Variants in GAS6 observed in about 807,000 individuals in gnomAD.
GAS6 encodes the protein growth arrest-specific protein 6.
In GAS6, 41 loss-of-function variants were observed where a neutral mutation model predicts 75.8. The observed-to-expected ratio is 0.54, with a 90% CI of 0.42 to 0.70. The LOEUF (loss-of-function observed/expected upper bound fraction) is 0.70, where lower values mean the gene tolerates loss of function less well. Among genes scored for constraint, GAS6 ranks in the 30% least tolerant of loss-of-function variants. The pLI is 0.00. For missense variants in GAS6, 854 were observed against 940.2 expected (o/e 0.91, Z 1.20); for synonymous variants, 432 against 412.6 (o/e 1.05, Z -0.57).
intron 8 of GAS6, chr13:113,833,555 T>C (rs1430215833): frequency 9.9e-7 from 1 of 1,010,376 alleles, no homozygotes; most frequent in Non-Finnish European, 1.2e-6. Context: ...CACATGTGGG[T>C]ACTGCATTCC....
At chr13:113,835,401 C>G in intron 7 of GAS6, 112 bp downstream of exon 7, 1 of 1,278,790 alleles carries the variant, frequency 7.8e-7, no homozygotes, top group Non-Finnish European at 1.1e-6. Context: ...GAGAAAGAGA[C>G]TTTCTTTCAC....
At chr13:113,843,091 C>T (rs1363590525) in intron 4 of GAS6, 1 of 375,132 alleles carries the variant, frequency 2.7e-6, no homozygotes, top group Non-Finnish European at 4.7e-6. Context: ...GGAATTTCCT[C>T]CACACAACAG....
intron 8 of GAS6, chr13:113,833,040 T>G: frequency 3.8e-6 from 5 of 1,315,170 alleles, no homozygotes; most frequent in Non-Finnish European, 4.9e-6. Context: ...ATGAAATATT[T>G]CAAGCATACA....
intron 14 of GAS6, 132 bp from the exon 15 acceptor site, chr13:113,821,150 T>G: frequency 2.2e-6 from 2 of 925,900 alleles, no homozygotes; most frequent in Non-Finnish European, 3.2e-6. Flanking sequence ...CTTTCTTCTC[T>G]AACTTCTCGG....
intron 10 of GAS6, among the ~76,000 whole-genome samples, chr13:113,831,263 G>A (rs1024626743): frequency 6.6e-6 from 1 of 152,214 alleles, no homozygotes; most frequent in African/African-American, 2.4e-5. Context: ...CTCTGGCAAG[G>A]GGCAGCTCCC....
chr13:113,827,208 G>T, intron 11 of GAS6, 44 bp from the exon 12 acceptor site: 10 of 1,593,960 alleles, frequency 6.3e-6, no homozygotes, highest in Non-Finnish European at 8.6e-6. Context: ...GGAGCGAGAA[G>T]CCCCATGCCG....
At chr13:113,821,836 A>G in intron 14 of GAS6, 122 bp downstream of exon 14, 1 of 748,234 alleles carries the variant, frequency 1.3e-6, no homozygotes, top group Non-Finnish European at 2.1e-6. Context: ...TCCTCTTAAA[A>G]CACAAGTCCT....
intron 2 of GAS6, among the ~76,000 whole-genome samples, chr13:113,849,551 G>A (rs1439431634): frequency 6.6e-6 from 1 of 152,106 alleles, no homozygotes; most frequent in African/African-American, 2.4e-5. Context: ...TAGAAGCCAG[G>A]GATTGAAAAC....
Position 113,835,627 on chromosome 13 carries a change from C to T in GAS6, c.598G>A (p.Glu200Lys), listed in dbSNP as rs200108914. ...CCGCAGGCCTCCGAGTCTGCGCACT[C>T]GTCTATGTCTGCAAGCAAAAAAAAA... ...SDGRTCQDID[E>K]CADSEACGEA... The change falls in exon 7 of 15, where the codon GAG becomes AAG. Residue 200 changes from glutamate (E) to lysine (K), a missense_variant. Glu to Lys is a moderately conservative substitution (Grantham distance 56). Transcript: ENST00000327773. The T allele has an allele frequency of 3.7e-5, 60 of 1,611,258 alleles. No individual in the cohort carries two copies. Among genetic ancestry groups the T allele is most frequent in the African/African-American group, 1.2e-4 (9 of 74,848 alleles).
rs2051443173 is a variant in GAS6, at chr13:113,820,762, G to A, written c.*102C>T. The A allele has an allele frequency of 3.8e-6, 5 of 1,313,592 alleles. No homozygotes were observed. The Admixed American group carries it at 7.5e-5, about 20-fold the overall frequency. The allele number at this position is 1,313,592 out of a possible 1,614,324, so 81.4% of individuals were successfully genotyped here. A position where few individuals can be genotyped will look rare whatever the true frequency, so the allele number is the denominator to read the frequency against. On this transcript the variant is annotated 3_prime_UTR_variant, in exon 15 of 15. Transcript: ENST00000327773. ...GTTACAGGCCGGGATGGTCACAGAG[G>A]AAAGCCCAGCTCTCAGCATGGCCCC...
chr13:113,859,046 G>C (rs930334080), intron 2 of GAS6, among the ~76,000 whole-genome samples: 1 of 151,110 alleles, frequency 6.6e-6, no homozygotes, highest in African/African-American at 2.5e-5. Context: ...TGTCTGGACA[G>C]TGTGTGACTG....
At chr13:113,830,969 T>C (rs560628849) in intron 10 of GAS6, among the ~76,000 whole-genome samples, 158 of 152,348 alleles carry the variant, frequency 1.0e-3, no homozygotes, top group Middle Eastern at 6.8e-3. Context: ...TTGGGAAAAA[T>C]GGAGCGAGGC....
Position 113,848,341 on chromosome 13 carries a change from AC to A in GAS6, c.256-292del, listed in dbSNP as rs1405681729. Among the ~76,000 whole-genome samples the A allele has an allele frequency of 6.6e-6, 1 of 152,172 alleles. No individual in the cohort carries two copies. Among genetic ancestry groups the A allele is most frequent in the Non-Finnish European group, 1.5e-5 (1 of 68,034 alleles). ...AAACCCCACTCTTAGTTCCCTGTTG[AC>A]ATAAGGGTCTCTAAAACCCAAAGAC... On this transcript the variant is annotated intron_variant, in intron 2 of 14. Coordinates refer to ENST00000327773, the MANE Select transcript of GAS6 (RefSeq NM_000820.4). This position sits in a 1 kb window ranked among gnomAD's most constrained non-coding sequence, Gnocchi z 4.8.
intron 4 of GAS6, chr13:113,842,695 G>A (rs2138650427): frequency 2.5e-6 from 1 of 397,096 alleles, no homozygotes; most frequent in East Asian, 3.6e-5. Context: ...CAACCCTCCG[G>A]CACCAGAACC....
rs916740338 is a variant in GAS6, at chr13:113,844,696, T to A, written c.343+1831A>T. ...GGCATAGGAGACCCACCCGCGTGCA[T>A]GAGGCCGAGTCTAAAGCTGTGGCCA... On this transcript the variant is annotated intron_variant, in intron 4 of 14. Coordinates refer to ENST00000327773, the MANE Select transcript of GAS6 (RefSeq NM_000820.4). This position sits in a 1 kb window ranked among gnomAD's most constrained non-coding sequence, Gnocchi z 5.7. 1 of 150,534 alleles carries A rather than the reference T, an allele frequency of 6.6e-6. No individual in the cohort carries two copies. Among genetic ancestry groups the A allele is most frequent in the Non-Finnish European group, 1.5e-5 (1 of 68,012 alleles). The allele number at this position is 150,534 out of a possible 1,614,324, so 9.3% of individuals were successfully genotyped here.
At chr13:113,828,129 T>C (rs910715542) in intron 11 of GAS6, among the ~76,000 whole-genome samples, 8 of 151,946 alleles carry the variant, frequency 5.3e-5, no homozygotes, top group Non-Finnish European at 8.8e-5. Flanking sequence ...CCGGACGTGG[T>C]GGCGGGCGCC....
At chr13:113,849,356 C>T (rs1395201181) in intron 2 of GAS6, among the ~76,000 whole-genome samples, 2 of 152,136 alleles carry the variant, frequency 1.3e-5, no homozygotes, top group Non-Finnish European at 2.9e-5. Context: ...GGTTGGCAAA[C>T]TCCAAGAAAA....
At chr13:113,831,362 T>TC (rs1465356133) in intron 10 of GAS6, among the ~76,000 whole-genome samples, 2 of 150,074 alleles carry the variant, frequency 1.3e-5, no homozygotes, top group African/African-American at 2.4e-5. Context: ...GTCCACGCCG[T>TC]CCTACAGGGA....
chr13:113,846,722 G>T, intron 3 of GAS6, 133 bp from the exon 4 acceptor site: 1 of 715,420 alleles, frequency 1.4e-6, no homozygotes. Flanking sequence ...CAGAAACAAT[G>T]CCGCTTAGCT....
Sources: allele counts gnomAD v4.1 joint callset (sites outside exome capture counted in the v4.1 genomes callset), GRCh38; gene constraint gnomAD v4.1.1; non-coding constraint Gnocchi (gnomAD v3.1); transcripts MANE v1.5; gene names NCBI Gene and HGNC (gene_info 2026-07-23, HGNC 2026-07-21).